SCLT1: variants seen among roughly 807,000 people sequenced by gnomAD.
SCLT1 encodes the protein sodium channel and clathrin linker 1.
A neutral mutation model predicts 112.8 loss-of-function variants in SCLT1; 78 were observed. The observed-to-expected ratio is 0.69, with a 90% confidence interval of 0.58 to 0.83. The LOEUF is 0.83. SCLT1 is among the 40% of genes least tolerant of loss of function. The pLI is 0.00. For missense variants in SCLT1, 747 were observed against 770.4 expected (o/e 0.97, Z 0.36); for synonymous variants, 257 against 254.7 (o/e 1.01, Z -0.09).
At chr4:128,924,427 C>G (rs763288908) in intron 18 of SCLT1, among the ~76,000 whole-genome samples, 16 of 151,876 alleles carry the variant, frequency 1.1e-4, no homozygotes, top group Non-Finnish European at 1.8e-4. Flanking sequence ...GGCCACTATA[C>G]CTGGCTAATT....
At chr4:129,065,964 G>A (rs1306859261) in intron 2 of SCLT1, among the ~76,000 whole-genome samples, 3 of 151,882 alleles carry the variant, frequency 2.0e-5, no homozygotes, top group Non-Finnish European at 4.4e-5. Context: ...ATATAGATAA[G>A]TCAGTAGGGA....
intron 4 of SCLT1, among the ~76,000 whole-genome samples, chr4:129,043,050 C>T (rs748116381): frequency 4.0e-5 from 6 of 151,292 alleles, no homozygotes; most frequent in South Asian, 2.1e-4. Flanking sequence ...TCCAGCCTGG[C>T]GACAGAGTGA....
chr4:128,970,388 A>G lies in SCLT1; in HGVS notation c.767T>C (p.Met256Thr). Residue 256 changes from methionine (M) to threonine (T), a missense_variant, in exon 10 of 21, where the codon ATG becomes ACG. Coordinates refer to ENST00000281142, the MANE Select transcript of SCLT1 (RefSeq NM_144643.4). ...AGAAATAGAAAATACCTTCTTTTTC[A>G]TCTGTCCCTGCAGATCTTCAGTCAC... Reference protein sequence around the residue: ...TNVTEDLQGQMKKKEKDVVSA... With the variant: ...TNVTEDLQGQTKKKEKDVVSA... 11 of 1,573,364 alleles carry G rather than the reference A, an allele frequency of 7.0e-6. No homozygotes were observed. The highest frequency in any genetic ancestry group is 9.6e-6 in the Non-Finnish European group (11 of 1,143,906).
chr4:128,909,988 A>G (rs755481749), intron 18 of SCLT1, among the ~76,000 whole-genome samples: 3 of 152,194 alleles, frequency 2.0e-5, no homozygotes, highest in Non-Finnish European at 2.9e-5. Context: ...GTGGGGAAAA[A>G]TTTGATGGCA....
chr4:128,917,153 C>G (rs568140825), intron 18 of SCLT1, among the ~76,000 whole-genome samples: 2 of 152,162 alleles, frequency 1.3e-5, no homozygotes, highest in East Asian at 3.9e-4. Flanking sequence ...ACAGTTGCCC[C>G]CTTCACCTTC....
chr4:129,003,440 A>G (rs1743700960), intron 6 of SCLT1, among the ~76,000 whole-genome samples: 1 of 151,600 alleles, frequency 6.6e-6, no homozygotes, highest in Non-Finnish European at 1.5e-5. Context: ...AATTAAAAAA[A>G]AAAAAAAGAA....
intron 2 of SCLT1, among the ~76,000 whole-genome samples, chr4:129,078,749 C>T (rs1424698723): frequency 6.6e-6 from 1 of 152,142 alleles, no homozygotes; most frequent in Non-Finnish European, 1.5e-5. Flanking sequence ...ACAAGCTCTT[C>T]ACTTTTAATA....
At chr4:129,021,734 A>G (rs1269613953) in intron 5 of SCLT1, among the ~76,000 whole-genome samples, 1 of 152,218 alleles carries the variant, frequency 6.6e-6, no homozygotes. Context: ...CAGCTTCAGC[A>G]GATTTAATCG....
chr4:129,003,901 T>C (rs992705387), intron 5 of SCLT1, 25 bp from the exon 6 acceptor site: 2 of 1,604,976 alleles, frequency 1.2e-6, no homozygotes, highest in Non-Finnish European at 1.7e-6. Context: ...GTTAACATGA[T>C]AGCCTCAAGT....
Position 129,026,253 on chromosome 4 carries a change from T to C in SCLT1, c.290+12788A>G, listed in dbSNP as rs1268208992. On this transcript the variant is annotated intron_variant, in intron 5 of 20. Transcript: ENST00000281142. ...CCAAATCAACAGAATATACATTATT[T>C]TCAGCACCACACCACACCTATTCCA... Among the ~76,000 whole-genome samples the C allele has an allele frequency of 3.3e-5, 5 of 152,146 alleles. No individual in the cohort carries two copies. In the East Asian group the frequency reaches 5.8e-4, roughly 18 times the overall value.
chr4:128,961,757 C>T (rs1025281523), intron 11 of SCLT1, among the ~76,000 whole-genome samples: 6 of 152,200 alleles, frequency 3.9e-5, no homozygotes, highest in African/African-American at 1.4e-4. Flanking sequence ...GGACTCCCTA[C>T]CAATCTGTTG....
intron 2 of SCLT1, among the ~76,000 whole-genome samples, chr4:129,065,330 T>G (rs1358231549): frequency 1.4e-5 from 2 of 139,310 alleles, no homozygotes; most frequent in Non-Finnish European, 3.3e-5. Flanking sequence ...CACATTGTTG[T>G]TCACATAGTT....
chr4:128,967,326 A>G (rs2126027437), intron 10 of SCLT1, among the ~76,000 whole-genome samples: 1 of 152,312 alleles, frequency 6.6e-6, no homozygotes, highest in East Asian at 1.9e-4. Context: ...ATACATGGAC[A>G]TGTGTCTTGA....
intron 2 of SCLT1, among the ~76,000 whole-genome samples, chr4:129,061,328 C>T (rs1244139028): frequency 6.6e-6 from 1 of 152,136 alleles, no homozygotes; most frequent in African/African-American, 2.4e-5. Context: ...AGAAATGTGT[C>T]TCTGCAGCAC....
At chr4:129,078,817 C>T (rs985821680) in intron 2 of SCLT1, among the ~76,000 whole-genome samples, 4 of 152,250 alleles carry the variant, frequency 2.6e-5, no homozygotes, top group African/African-American at 9.6e-5. Flanking sequence ...TAAGGAAATA[C>T]ATAAGACTGG....
intron 18 of SCLT1, among the ~76,000 whole-genome samples, chr4:128,893,851 A>G (rs948579143): frequency 4.6e-5 from 7 of 152,136 alleles, no homozygotes; most frequent in East Asian, 1.9e-4. Context: ...CCGAAATCCC[A>G]ATTTTTACAT....
At position 128,959,760 on chromosome 4, in the gene SCLT1, T is replaced by A. The variant is rs141894698; in HGVS notation, c.887A>T (p.Gln296Leu). 6.2e-7 allele frequency: 1 copy of A among 1,613,086 alleles called. No individual in the cohort carries two copies. Among genetic ancestry groups the A allele is most frequent in the Non-Finnish European group, 8.5e-7 (1 of 1,179,544 alleles). The change falls in exon 12 of 21, where the codon CAA (glutamine) becomes CTA (leucine). Residue 296 changes from glutamine (Q) to leucine (L), a missense_variant. Gln to Leu is a moderately radical substitution (Grantham distance 113). Transcript: ENST00000281142. The stretch of plus-strand genomic sequence containing the variant: ...TTCGGTTCTTAATTGGTTGGCTTCT[T>A]GGATTGTCACACATAATCTAGAAAT... ...QLEIRLCVTI[Q>L]EANQLRTENT... is the part of the protein sequence containing the mutation.
intron 19 of SCLT1, among the ~76,000 whole-genome samples, chr4:128,889,610 T>C (rs1366881245): frequency 3.3e-5 from 5 of 152,216 alleles, no homozygotes; most frequent in Non-Finnish European, 7.3e-5. Context: ...GCAAGAACTA[T>C]ACAGGCATCA....
At chr4:129,050,997 C>T (rs1748732526) in intron 2 of SCLT1, among the ~76,000 whole-genome samples, 1 of 151,570 alleles carries the variant, frequency 6.6e-6, no homozygotes, top group Non-Finnish European at 1.5e-5. Flanking sequence ...TTCCCCATTA[C>T]TTGTTTTTGT....
Sources: allele counts gnomAD v4.1 joint callset (sites outside exome capture counted in the v4.1 genomes callset), GRCh38; gene constraint gnomAD v4.1.1; transcripts MANE v1.5; gene names NCBI Gene and HGNC (gene_info 2026-07-23, HGNC 2026-07-21).